CNTN5: variants seen among roughly 807,000 people sequenced by gnomAD.
CNTN5 encodes the protein contactin 5, also known as contactin-5.
In CNTN5, 77 loss-of-function variants were observed where a neutral mutation model predicts 129.1. The observed-to-expected ratio is 0.60, with a 90% CI of 0.50 to 0.72. CNTN5 has a LOEUF of 0.72. Ranked by LOEUF, CNTN5 falls within the 30% of genes least tolerant of loss-of-function variation. CNTN5 has a pLI of 0.00. For synonymous variants in CNTN5, 509 were observed against 465.6 expected (o/e 1.09, Z -1.20); for missense variants, 1,478 against 1,328.8 (o/e 1.11, Z -1.75).
intron 8 of CNTN5, among the ~76,000 whole-genome samples, chr11:99,993,976 CTTTT>C (rs907920293): frequency 2.6e-5 from 4 of 152,048 alleles, no homozygotes; most frequent in African/African-American, 9.7e-5. Flanking sequence ...TTATTCAACT[CTTTT>C]TGTTTTATTT....
chr11:99,711,746 CT>C (rs1387784821), intron 3 of CNTN5, among the ~76,000 whole-genome samples: 1 of 151,942 alleles, frequency 6.6e-6, no homozygotes, highest in Non-Finnish European at 1.5e-5. Context: ...GTTTACTGTT[CT>C]TGTGTTAGTT....
chr11:99,932,581 A>G (rs1271842053), intron 7 of CNTN5, among the ~76,000 whole-genome samples: 2 of 152,262 alleles, frequency 1.3e-5, no homozygotes, highest in African/African-American at 2.4e-5. Flanking sequence ...GAAGGATTCA[A>G]TTTTGTCACT....
intron 8 of CNTN5, among the ~76,000 whole-genome samples, chr11:99,980,411 T>G (rs77481655): frequency 0.011 from 1,623 of 152,276 alleles, 36 homozygotes; most frequent in African/African-American, 0.037. Context: ...GCAAATAGAT[T>G]TCCAAAGACT....
intron 1 of CNTN5, among the ~76,000 whole-genome samples, chr11:99,323,426 A>G (rs1865652559): frequency 1.3e-5 from 2 of 152,160 alleles, no homozygotes; most frequent in South Asian, 2.1e-4. Context: ...CATCACCACA[A>G]CAATACAGTT....
intron 13 of CNTN5, among the ~76,000 whole-genome samples, chr11:100,166,562 A>G (rs1947643703): frequency 6.6e-6 from 1 of 151,790 alleles, no homozygotes; most frequent in Admixed American, 6.6e-5. Flanking sequence ...CATGCCAAGA[A>G]CACTTTTTAA....
chr11:100,272,028 G>T (rs571189606), intron 18 of CNTN5, among the ~76,000 whole-genome samples: 5 of 152,028 alleles, frequency 3.3e-5, no homozygotes, highest in Non-Finnish European at 7.4e-5. Flanking sequence ...TTACTTAGGG[G>T]AACACAAACA....
chr11:99,408,653 A>G (rs989823136), intron 2 of CNTN5, among the ~76,000 whole-genome samples: 7 of 152,082 alleles, frequency 4.6e-5, no homozygotes, highest in African/African-American at 1.7e-4. Context: ...TAAATTATAA[A>G]TGTAAATATT....
chr11:99,763,575 A>G (rs930592726), intron 3 of CNTN5, among the ~76,000 whole-genome samples: 5 of 152,136 alleles, frequency 3.3e-5, no homozygotes, highest in African/African-American at 1.2e-4. Context: ...TCTACTCAGT[A>G]TCTGAACATG....
chr11:99,899,575 A>G (rs1036534752), intron 6 of CNTN5, among the ~76,000 whole-genome samples: 8 of 152,008 alleles, frequency 5.3e-5, no homozygotes, highest in Non-Finnish European at 1.0e-4. Context: ...TGAGCGAAGC[A>G]CATTTGATCA....
At chr11:100,267,335 C>T (rs548322958) in intron 17 of CNTN5, among the ~76,000 whole-genome samples, 1 of 151,778 alleles carries the variant, frequency 6.6e-6, no homozygotes, top group African/African-American at 2.4e-5. Context: ...CCTATAAGGA[C>T]ACTAAGATCA....
At chr11:99,779,876 C>G (rs1044758621) in intron 3 of CNTN5, among the ~76,000 whole-genome samples, 2 of 151,882 alleles carry the variant, frequency 1.3e-5, no homozygotes, top group Non-Finnish European at 2.9e-5. Flanking sequence ...ATGATCTGCT[C>G]CCTTCAATTG....
At chr11:100,273,481 A>T (rs1045174345) in intron 18 of CNTN5, among the ~76,000 whole-genome samples, 1 of 152,118 alleles carries the variant, frequency 6.6e-6, no homozygotes, top group Admixed American at 6.5e-5. Context: ...TGTCCCAACA[A>T]GTACCCCACC....
intron 13 of CNTN5, among the ~76,000 whole-genome samples, chr11:100,139,125 C>A (rs1591304202): frequency 6.6e-6 from 1 of 151,886 alleles, no homozygotes; most frequent in African/African-American, 2.4e-5. Flanking sequence ...TAAGTGAGAA[C>A]CTAATATAAA....
chr11:99,458,850 GGA>G (rs1944586968), intron 2 of CNTN5, among the ~76,000 whole-genome samples: 2 of 151,984 alleles, frequency 1.3e-5, no homozygotes, highest in Admixed American at 6.6e-5. Flanking sequence ...TGATTGCCTT[GGA>G]GGTCTAGTAG....
chr11:99,981,101 T>TATATATATAC (rs1287784496), intron 8 of CNTN5, among the ~76,000 whole-genome samples: 1 of 61,294 alleles, frequency 1.6e-5, no homozygotes, highest in South Asian at 4.0e-4. Context: ...TATATATATA[T>TATATATATAC]ATACACACAC....
At chr11:100,104,112 T>C (rs1945329724) in intron 13 of CNTN5, among the ~76,000 whole-genome samples, 1 of 150,978 alleles carries the variant, frequency 6.6e-6, no homozygotes. Context: ...TTTTTTTTTT[T>C]GAGGCAGAGT....
chr11:99,804,762 A>C (rs1192544169), intron 3 of CNTN5, among the ~76,000 whole-genome samples: 1 of 151,026 alleles, frequency 6.6e-6, no homozygotes, highest in Non-Finnish European at 1.5e-5. Context: ...ATGTTTATAG[A>C]TAGAAGTACA....
chr11:99,206,518 T>G (rs17133233), intron 1 of CNTN5, among the ~76,000 whole-genome samples: 8,707 of 152,150 alleles, frequency 0.057, 646 homozygotes, highest in East Asian at 0.26. Flanking sequence ...AATTCATCAA[T>G]AAATTTACGT....
intron 1 of CNTN5, among the ~76,000 whole-genome samples, chr11:99,324,379 T>C (rs1221568128): frequency 6.6e-6 from 1 of 152,176 alleles, no homozygotes; most frequent in Non-Finnish European, 1.5e-5. Flanking sequence ...CTATAAACAT[T>C]CTGGAAATAT....
Sources: allele counts gnomAD v4.1 joint callset (sites outside exome capture counted in the v4.1 genomes callset), GRCh38; gene constraint gnomAD v4.1.1; transcripts MANE v1.5; gene names NCBI Gene and HGNC (gene_info 2026-07-23, HGNC 2026-07-21).